Variants in MIB1 observed in about 807,000 individuals in gnomAD.
MIB1 encodes the protein MIB E3 ubiquitin protein ligase 1.
MIB1 carries 278 observed loss-of-function variants against 124.5 expected under a neutral mutation model. The ratio of observed to expected loss-of-function variants is 2.23; its 90% CI spans 2.02 to 2.47. The LOEUF is 2.47. Ranked by LOEUF, MIB1 falls within the 30% of genes most tolerant of loss-of-function variation. MIB1 has a pLI of 0.00. For synonymous variants in MIB1, 446 were observed against 429.4 expected, an observed-to-expected ratio of 1.04 and a Z score of -0.48; for missense variants, 957 against 1,254.4, an observed-to-expected ratio of 0.76 and a Z score of 3.58.
chr18:21,747,304 G>A lies in MIB1; in HGVS notation c.229+5492G>A, dbSNP rs554059885. The stretch of plus-strand genomic sequence containing the variant: ...AGCTTGGTTGAGCTGAGGACTTCAA[G>A]AAATCAACTAGTAGACCCCTGTGTC... On this transcript the variant is annotated intron_variant, in intron 1 of 20. Transcript: ENST00000261537. Among the ~76,000 whole-genome samples the A allele has an allele frequency of 3.3e-5, 5 of 152,262 alleles. No homozygotes were observed. The East Asian group carries it at 9.6e-4, about 29-fold the overall frequency.
intron 10 of MIB1, among the ~76,000 whole-genome samples, chr18:21,805,262 C>G (rs2041691035): frequency 1.3e-5 from 2 of 152,112 alleles, no homozygotes; most frequent in Admixed American, 6.5e-5. Flanking sequence ...ATGTGCCTGC[C>G]TCAGCCTCCC....
intron 1 of MIB1, among the ~76,000 whole-genome samples, chr18:21,729,661 T>G (rs2040759074): frequency 6.6e-6 from 1 of 152,112 alleles, no homozygotes; most frequent in Non-Finnish European, 1.5e-5. Flanking sequence ...GGCTAAGTTT[T>G]GTAATTTTAG....
In MIB1 at chr18:21,828,112, T is replaced by G. The variant is rs574849366; in HGVS notation, c.1829+8466T>G. 2.6e-5 allele frequency: 4 copies of G among 152,102 alleles called. No homozygotes were observed. In the South Asian group the frequency reaches 8.3e-4, roughly 32 times the overall value. The allele number at this position is 152,102 out of a possible 1,614,324, so 9.4% of individuals were successfully genotyped here. A position where few individuals can be genotyped will look rare whatever the true frequency, so the allele number is the denominator to read the frequency against. Reference sequence around the variant, plus strand: ...TTCTAAACAATGGATTGATCAAGTTTAGAGAAATTGAATTGTAATTGCATA... The same window carrying G: ...TTCTAAACAATGGATTGATCAAGTTGAGAGAAATTGAATTGTAATTGCATA... On this transcript the variant is annotated intron_variant, in intron 12 of 20. Transcript: ENST00000261537.
chr18:21,827,509 T>C (rs974425118), intron 12 of MIB1: 2 of 152,034 alleles, frequency 1.3e-5, no homozygotes, highest in African/African-American at 4.8e-5. Context: ...CTTTGAGTAT[T>C]TTTATAGAAG....
At chr18:21,726,773 C>T (rs1274184877) in intron 1 of MIB1, among the ~76,000 whole-genome samples, 4 of 152,142 alleles carry the variant, frequency 2.6e-5, no homozygotes, top group Non-Finnish European at 4.4e-5. Context: ...CCTGTGCATC[C>T]CTTCACTCCC....
intron 1 of MIB1, among the ~76,000 whole-genome samples, chr18:21,759,746 G>A (rs1159706280): frequency 6.6e-6 from 1 of 152,052 alleles, no homozygotes; most frequent in African/African-American, 2.4e-5. Flanking sequence ...TTCTGTTGAA[G>A]CACTTCATAT....
intron 1 of MIB1, among the ~76,000 whole-genome samples, chr18:21,761,736 T>TGTCA: frequency 6.6e-6 from 1 of 152,352 alleles, no homozygotes; most frequent in Middle Eastern, 3.4e-3. Context: ...TCTGTCTGTC[T>TGTCA]GTCACTGTCT....
At chr18:21,784,072 C>T (rs1384539474) in intron 6 of MIB1, among the ~76,000 whole-genome samples, 8 of 125,324 alleles carry the variant, frequency 6.4e-5, no homozygotes, top group East Asian at 5.4e-4. Flanking sequence ...TTTTTTGATA[C>T]GGAGTCTCGC....
intron 12 of MIB1, chr18:21,825,935 T>G (rs1056146717): frequency 3.0e-6 from 1 of 333,866 alleles, no homozygotes; most frequent in African/African-American, 2.3e-5. Flanking sequence ...TTCCTACTGT[T>G]TTCCTGCGCT....
intron 4 of MIB1, among the ~76,000 whole-genome samples, chr18:21,776,632 T>C (rs1205234785): frequency 6.6e-6 from 1 of 152,146 alleles, no homozygotes; most frequent in Non-Finnish European, 1.5e-5. Context: ...TTTGTTTCCT[T>C]GTAAAAGATA....
rs117382460 is a variant in MIB1, at chr18:21,754,742, T to G, written c.230-11030T>G. 5.1e-3 allele frequency among the ~76,000 whole-genome samples: 775 copies of G among 152,354 alleles called. 6 individuals carry two copies. The highest frequency in any genetic ancestry group is 0.014 in the South Asian group (67 of 4,824). On this transcript the variant is annotated intron_variant, in intron 1 of 20. Transcript: ENST00000261537. Reference sequence around the variant, plus strand: ...AGAAAGTAAAAGAAATTCATGTTAGTTTTGCTGTCACATCTTAAACTACAA... The same window carrying G: ...AGAAAGTAAAAGAAATTCATGTTAGGTTTGCTGTCACATCTTAAACTACAA...
intron 15 of MIB1, among the ~76,000 whole-genome samples, 172 bp from the exon 16 acceptor site, chr18:21,846,772 T>C (rs1454758724): frequency 6.6e-6 from 1 of 152,152 alleles, no homozygotes. Context: ...CCTCTACAAC[T>C]GGAGAAAGCA....
rs1241860616 is a variant in MIB1, at chr18:21,864,470, T to C, written c.2881-56T>C. On this transcript the variant is annotated intron_variant, in intron 20 of 20. Coordinates refer to ENST00000261537, the MANE Select transcript of MIB1 (RefSeq NM_020774.4). ...AGAAAATTAATGATATATAACAGTC[T>C]GTCACTTTCCAAATATAAAGTGTCT... 1.3e-5 allele frequency: 18 copies of C among 1,376,116 alleles called. No individual in the cohort carries two copies. In the Admixed American group the frequency reaches 2.1e-4, roughly 16 times the overall value. 85.2% of individuals were successfully genotyped at this position (1,376,116 alleles called of 1,614,324 possible). A position where few individuals can be genotyped will look rare whatever the true frequency, so the allele number is the denominator to read the frequency against.
intron 13 of MIB1, among the ~76,000 whole-genome samples, chr18:21,842,767 T>C (rs892195624): frequency 6.6e-6 from 1 of 152,236 alleles, no homozygotes; most frequent in Non-Finnish European, 1.5e-5. Context: ...CTCATTATTA[T>C]AACTTTTCAG....
chr18:21,806,305 A>G (rs2041706053), intron 10 of MIB1, among the ~76,000 whole-genome samples: 1 of 151,654 alleles, frequency 6.6e-6, no homozygotes, highest in African/African-American at 2.4e-5. Flanking sequence ...GGCTCAAACA[A>G]TTCTCCCACT....
chr18:21,844,097 G>C lies in MIB1; in HGVS notation c.2055G>C (p.Leu685Phe). ...GAGACATCTTTCTCTTTTAGCTTTT[G>C]GTCCGTGCAGGTGCCAAGCTTGATA... ...ERQHTQIVRL[L>F]VRAGAKLDIQ... Residue 685 changes from leucine (L) to phenylalanine (F), a missense_variant, in exon 15 of 21, where the codon TTG becomes TTC. Transcript: ENST00000261537. 6.2e-7 allele frequency: 1 copy of C among 1,613,672 alleles called. No homozygotes were observed. The highest frequency in any genetic ancestry group is 8.5e-7 in the Non-Finnish European group (1 of 1,179,904).
At chr18:21,726,398 A>G (rs1177969253) in intron 1 of MIB1, among the ~76,000 whole-genome samples, 2 of 152,210 alleles carry the variant, frequency 1.3e-5, no homozygotes, top group Admixed American at 6.5e-5. Context: ...ATTGAAAAAA[A>G]AATGGTTAAT....
intron 5 of MIB1, among the ~76,000 whole-genome samples, chr18:21,779,011 A>T (rs1356907411): frequency 1.3e-5 from 2 of 152,176 alleles, no homozygotes; most frequent in Non-Finnish European, 2.9e-5. Flanking sequence ...AAGCTTTGAC[A>T]TATTTTAAAA....
intron 1 of MIB1, among the ~76,000 whole-genome samples, chr18:21,742,143 A>G (rs1363748239): frequency 1.3e-5 from 2 of 152,174 alleles, no homozygotes; most frequent in East Asian, 3.9e-4. Flanking sequence ...GGAGAGGCCT[A>G]TCTAATAAGC....
Sources: allele counts gnomAD v4.1 joint callset (sites outside exome capture counted in the v4.1 genomes callset), GRCh38; gene constraint gnomAD v4.1.1; transcripts MANE v1.5; gene names NCBI Gene and HGNC (gene_info 2026-07-23, HGNC 2026-07-21).